Variants in LMF1 observed in about 807,000 individuals in gnomAD.
LMF1 encodes transmembrane protein 112.
In LMF1, 68 loss-of-function variants were observed where a neutral mutation model predicts 60.6. That is an observed-to-expected ratio of 1.12 (90% CI 0.92 to 1.37). LMF1 has a LOEUF of 1.37. LMF1 is among the 40% of genes most tolerant of loss of function. The probability of loss-of-function intolerance (pLI) is 0.00; values close to 1 mark genes in which losing one functional copy is unlikely to be tolerated. For synonymous variants in LMF1, 418 were observed against 324.7 expected (o/e 1.29, Z -3.09); for missense variants, 948 against 767.2 (o/e 1.24, Z -2.78).
chr16:952,971 C>G (rs1489252413), intron 2 of LMF1, among the ~76,000 whole-genome samples: 3 of 43,544 alleles, frequency 6.9e-5, no homozygotes, highest in East Asian at 5.4e-4. Context: ...ACAGACACCC[C>G]AAACCAGCCT....
chr16:887,673 G>C (rs541326425), intron 5 of LMF1, among the ~76,000 whole-genome samples: 5 of 152,152 alleles, frequency 3.3e-5, no homozygotes, highest in Non-Finnish European at 7.4e-5. Context: ...CAGAGTGCGC[G>C]CTCCTAGCAT....
chr16:868,637 G>A (rs1279410423), intron 10 of LMF1, among the ~76,000 whole-genome samples: 4 of 152,288 alleles, frequency 2.6e-5, no homozygotes, highest in African/African-American at 9.6e-5. Context: ...GCACCTAGAG[G>A]ACACCTCAAC....
In LMF1 at chr16:853,772, C is replaced by T. The variant is rs1308751713; in HGVS notation, c.*760G>A. Reference sequence around the variant, plus strand: ...GATGAAAGTGTGCACGGCCGGCTGTCCTCCGATTGAGGGGCCTTGTCAAGG... The same window carrying T: ...GATGAAAGTGTGCACGGCCGGCTGTTCTCCGATTGAGGGGCCTTGTCAAGG... On this transcript the variant is annotated 3_prime_UTR_variant, in exon 11 of 11. Coordinates refer to ENST00000262301, the MANE Select transcript of LMF1 (RefSeq NM_022773.4). The T allele has an allele frequency of 4.4e-6, 2 of 454,130 alleles. No homozygotes were observed. Among genetic ancestry groups the T allele is most frequent in the South Asian group, 1.6e-5 (1 of 64,482 alleles). The allele number at this position is 454,130 out of a possible 1,614,324, so 28.1% of individuals were successfully genotyped here.
upstream of LMF1, among the ~76,000 whole-genome samples, chr16:971,303 G>A (rs1265815793): frequency 6.6e-6 from 1 of 152,238 alleles, no homozygotes; most frequent in Non-Finnish European, 1.5e-5. Context: ...CCGTCAGTCC[G>A]AGTTGCAGAG....
Position 917,723 on chromosome 16 carries a change from CA to C in LMF1, c.515-6645del, listed in dbSNP as rs534021248. The stretch of plus-strand genomic sequence containing the variant: ...TGCTGGGAGGTCCTGATGTCAGCCC[CA>C]CCCCAGAGGTGTCCCAGGGGACAGG... On this transcript the variant is annotated intron_variant, in intron 3 of 10. Coordinates refer to ENST00000262301, the MANE Select transcript of LMF1 (RefSeq NM_022773.4). 7.1e-3 allele frequency among the ~76,000 whole-genome samples: 1,085 copies of C among 152,322 alleles called. 3 individuals are homozygous for C. Among genetic ancestry groups the C allele is most frequent in the Non-Finnish European group, 0.011 (740 of 68,006 alleles).
chr16:958,290 AC>A (rs2072749272), intron 1 of LMF1, among the ~76,000 whole-genome samples: 1 of 152,246 alleles, frequency 6.6e-6, no homozygotes. Context: ...GCTACTTTTA[AC>A]AGAATGAAAA....
chr16:949,105 CCAGCCAATGACAGAGT>C (rs1394297026), intron 2 of LMF1, among the ~76,000 whole-genome samples: 2 of 126,076 alleles, frequency 1.6e-5, no homozygotes, highest in South Asian at 2.7e-4. Context: ...AATGACAGAG[CCAGCCAATGACAGAGT>C]CAGCCAACGA....
At chr16:937,368 G>A (rs1032956219) in intron 2 of LMF1, among the ~76,000 whole-genome samples, 1 of 152,188 alleles carries the variant, frequency 6.6e-6, no homozygotes, top group Non-Finnish European at 1.5e-5. Flanking sequence ...TGGACAGTGG[G>A]ACGTAGATTT....
chr16:915,503 C>T (rs892459630), intron 3 of LMF1, among the ~76,000 whole-genome samples: 5 of 152,224 alleles, frequency 3.3e-5, no homozygotes, highest in Non-Finnish European at 7.3e-5. Flanking sequence ...AGATTCTCCA[C>T]CAAGAGGCGA....
At chr16:898,188 C>T (rs1483608025) in intron 4 of LMF1, among the ~76,000 whole-genome samples, 2 of 152,262 alleles carry the variant, frequency 1.3e-5, no homozygotes, top group African/African-American at 4.8e-5. Flanking sequence ...CTCATCGACA[C>T]TGGCTGGGCT....
intron 2 of LMF1, among the ~76,000 whole-genome samples, chr16:952,814 C>CACAG (rs2072515343): frequency 7.1e-6 from 1 of 140,160 alleles, no homozygotes; most frequent in African/African-American, 2.7e-5. Flanking sequence ...TCCACACAGA[C>CACAG]ACCCACCCCA....
At chr16:959,233 A>G (rs1229289137) in intron 1 of LMF1, among the ~76,000 whole-genome samples, 3 of 152,266 alleles carry the variant, frequency 2.0e-5, no homozygotes, top group Admixed American at 1.3e-4. Flanking sequence ...AAAAATAATC[A>G]GAGATAAGAA....
chr16:897,498 C>T lies in LMF1; in HGVS notation c.664-4426G>A, dbSNP rs1004615750. Among the ~76,000 whole-genome samples the T allele has an allele frequency of 6.6e-6, 1 of 152,240 alleles. No homozygotes were observed. The highest frequency in any genetic ancestry group is 1.5e-5 in the Non-Finnish European group (1 of 68,046). On this transcript the variant is annotated intron_variant, in intron 4 of 10. Transcript: ENST00000262301. This position sits in a 1 kb window ranked among gnomAD's most constrained non-coding sequence, Gnocchi z 4.3. ...TGTATCAGTGGCCCTTCCTCCCCACCTGTAAACACAGGGAATTACTCGCGA... is the reference window on the plus strand; with the variant it reads ...TGTATCAGTGGCCCTTCCTCCCCACTTGTAAACACAGGGAATTACTCGCGA...
intron 5 of LMF1, among the ~76,000 whole-genome samples, chr16:889,528 G>A (rs2070415665): frequency 6.6e-6 from 1 of 152,156 alleles, no homozygotes; most frequent in Admixed American, 6.5e-5. Context: ...CTTGCTCTGT[G>A]CTGCTGAAAC....
intron 3 of LMF1, among the ~76,000 whole-genome samples, chr16:912,270 C>T (rs1038398092): frequency 3.9e-5 from 6 of 152,160 alleles, no homozygotes; most frequent in Admixed American, 2.0e-4. Context: ...TGGGAGAGTG[C>T]GGAGGGGAAG....
intron 5 of LMF1, 108 bp from the exon 6 acceptor site, chr16:879,845 GGAT>G: frequency 1.3e-6 from 1 of 768,908 alleles, no homozygotes; most frequent in African/African-American, 4.2e-5. Flanking sequence ...ACTGCACACA[GGAT>G]CCCCCCGGCC....
intron 3 of LMF1, among the ~76,000 whole-genome samples, chr16:916,181 A>AT (rs1406466846): frequency 2.6e-5 from 4 of 152,214 alleles, no homozygotes; most frequent in Non-Finnish European, 5.9e-5. Flanking sequence ...CTGAGGCCTC[A>AT]TTAACTCTGT....
intron 5 of LMF1, among the ~76,000 whole-genome samples, chr16:888,229 A>G (rs1352392787): frequency 6.6e-6 from 1 of 152,158 alleles, no homozygotes; most frequent in Non-Finnish European, 1.5e-5. Flanking sequence ...CTGCCCGCCC[A>G]GGCCCTGGCA....
At chr16:856,020 A>G (rs926345013) in intron 10 of LMF1, 8 of 454,376 alleles carry the variant, frequency 1.8e-5, no homozygotes, top group African/African-American at 1.4e-4. Flanking sequence ...CCGGGAAGAC[A>G]GAGACCCTCT....
Sources: allele counts gnomAD v4.1 joint callset (sites outside exome capture counted in the v4.1 genomes callset), GRCh38; gene constraint gnomAD v4.1.1; non-coding constraint Gnocchi (gnomAD v3.1); transcripts MANE v1.5; gene names NCBI Gene and HGNC (gene_info 2026-07-23, HGNC 2026-07-21).